The following TXNRD2 variants were observed in gnomAD, a reference collection of about 807,000 sequenced individuals.
TXNRD2 encodes thioredoxin reductase 2, mitochondrial.
Under a neutral mutation model 70.8 loss-of-function variants are expected in TXNRD2, and 67 were observed. That is an observed-to-expected ratio of 0.95 (90% confidence interval 0.78 to 1.16). TXNRD2 has a LOEUF of 1.16. Among genes scored for constraint, TXNRD2 ranks in the 50% most tolerant of loss-of-function variants. TXNRD2 has a pLI of 0.00. For missense variants in TXNRD2, 644 were observed against 719.9 expected (o/e 0.89, Z 1.21); for synonymous variants, 301 against 295.8 (o/e 1.02, Z -0.18).
At chr22:19,893,744 G>C (rs1939367884) in intron 11 of TXNRD2, among the ~76,000 whole-genome samples, 1 of 152,226 alleles carries the variant, frequency 6.6e-6, no homozygotes, top group Non-Finnish European at 1.5e-5. Context: ...GCCTGGCCGG[G>C]AAACGCCCAG....
At chr22:19,883,773 G>A in intron 11 of TXNRD2, 1 of 379,776 alleles carries the variant, frequency 2.6e-6, no homozygotes, top group Non-Finnish European at 5.0e-6. Flanking sequence ...GGCCAACATG[G>A]TGAAACCCCA....
chr22:19,909,874 T>TACA (rs1940303624), intron 8 of TXNRD2, among the ~76,000 whole-genome samples: 1 of 40,586 alleles, frequency 2.5e-5, no homozygotes, highest in Non-Finnish European at 5.2e-5. Context: ...CACACACCAC[T>TACA]CACACACACC....
At chr22:19,925,000 G>A (rs1461518269) in intron 2 of TXNRD2, among the ~76,000 whole-genome samples, 2 of 151,724 alleles carry the variant, frequency 1.3e-5, no homozygotes, top group African/African-American at 2.4e-5. Flanking sequence ...AAAAAAAGCG[G>A]GGGGCCAGGC....
chr22:19,932,371 G>A, intron 1 of TXNRD2: 1 of 1,612,644 alleles, frequency 6.2e-7, no homozygotes, highest in Non-Finnish European at 8.5e-7. Context: ...GTCCTCCATG[G>A]TGGCTCACTG....
intron 8 of TXNRD2, among the ~76,000 whole-genome samples, chr22:19,899,592 C>G (rs1293348091): frequency 6.6e-6 from 1 of 152,240 alleles, no homozygotes; most frequent in African/African-American, 2.4e-5. Flanking sequence ...TGAAGGACCC[C>G]AGGGACAAGG....
In TXNRD2 at chr22:19,877,095, G is replaced by C. The variant is rs2145924906; in HGVS notation, c.*10C>G. 6.3e-7 allele frequency: 1 copy of C among 1,592,712 alleles called. No homozygotes were observed. Among genetic ancestry groups the C allele is most frequent in the East Asian group, 2.3e-5 (1 of 44,222 alleles). ...GGCGCACCGTGTGCCCTGGCCTGCA[G>C]GGATGGCGCTTACCCTCAGCAGCCT... On this transcript the variant is annotated 3_prime_UTR_variant, in exon 17 of 18. Transcript: ENST00000400521.
At chr22:19,893,957 G>A (rs370863221) in intron 11 of TXNRD2, 4 of 152,216 alleles carry the variant, frequency 2.6e-5, no homozygotes, top group African/African-American at 9.7e-5. Context: ...CAGGCGGCTT[G>A]TGCACACCCA....
chr22:19,902,247 T>C (rs1393430635), intron 8 of TXNRD2, among the ~76,000 whole-genome samples: 2 of 152,250 alleles, frequency 1.3e-5, no homozygotes, highest in Non-Finnish European at 1.5e-5. Flanking sequence ...CTCAGCTCTC[T>C]GTGCTTTTTG....
At chr22:19,877,443 C>A (rs1938560905) in intron 16 of TXNRD2, among the ~76,000 whole-genome samples, 1 of 152,016 alleles carries the variant, frequency 6.6e-6, no homozygotes, top group South Asian at 2.1e-4. Context: ...AGCCCACCTC[C>A]CACCCAGCCA....
At chr22:19,887,347 T>A (rs1939076326) in intron 11 of TXNRD2, 1 of 152,324 alleles carries the variant, frequency 6.6e-6, no homozygotes, top group African/African-American at 2.4e-5. Flanking sequence ...CTTGTGCACA[T>A]GAAGCAGGAG....
At chr22:19,889,739 G>T (rs183139376) in intron 11 of TXNRD2, among the ~76,000 whole-genome samples, 2 of 152,272 alleles carry the variant, frequency 1.3e-5, no homozygotes, top group East Asian at 3.9e-4. Flanking sequence ...GCATTCCAAA[G>T]TGTTGGGATT....
intron 1 of TXNRD2, among the ~76,000 whole-genome samples, chr22:19,937,077 C>A (rs1348954834): frequency 6.6e-6 from 1 of 152,184 alleles, no homozygotes; most frequent in East Asian, 1.9e-4. Context: ...CATTTTGCTT[C>A]CTATAGACTG....
intron 12 of TXNRD2, 112 bp downstream of exon 12, chr22:19,883,213 A>G (rs550293297): frequency 7.1e-7 from 1 of 1,404,382 alleles, no homozygotes; most frequent in Non-Finnish European, 9.7e-7. Context: ...AGCCTCTGTC[A>G]TCAGAGAAAG....
At chr22:19,933,351 G>A (rs934733845) in intron 1 of TXNRD2, 14 of 930,618 alleles carry the variant, frequency 1.5e-5, no homozygotes, top group Admixed American at 7.0e-5. Flanking sequence ...CAGGTCCCCC[G>A]GGGAGCATGA....
intron 8 of TXNRD2, among the ~76,000 whole-genome samples, chr22:19,907,165 A>G (rs1313933642): frequency 1.2e-5 from 1 of 86,546 alleles, no homozygotes; most frequent in Admixed American, 1.6e-4. Context: ...CGCTCTCAGG[A>G]GAGTGTGGGC....
At chr22:19,886,767 G>A (rs1464551264) in intron 11 of TXNRD2, among the ~76,000 whole-genome samples, 4 of 152,354 alleles carry the variant, frequency 2.6e-5, no homozygotes, top group Middle Eastern at 3.4e-3. Flanking sequence ...CTCCGTCCTC[G>A]AAGCCTTGGC....
At chr22:19,927,493 C>CA (rs1041447368) in intron 2 of TXNRD2, among the ~76,000 whole-genome samples, 3 of 145,450 alleles carry the variant, frequency 2.1e-5, no homozygotes, top group South Asian at 2.2e-4. Flanking sequence ...CCTTCTCCAC[C>CA]AAAAAAATAC....
intron 2 of TXNRD2, among the ~76,000 whole-genome samples, chr22:19,928,203 C>A (rs1941224600): frequency 6.6e-6 from 1 of 151,986 alleles, no homozygotes; most frequent in South Asian, 2.1e-4. Context: ...ACCACACGAT[C>A]CAGTTGGTCC....
chr22:19,878,714 C>G (rs182162111), intron 14 of TXNRD2, among the ~76,000 whole-genome samples: 2 of 152,356 alleles, frequency 1.3e-5, no homozygotes, highest in Admixed American at 6.5e-5. Flanking sequence ...AGCAGCAGAG[C>G]AGGCATCAGG....
Sources: gnomAD v4.1 joint callset for allele counts (sites outside exome capture counted in the v4.1 genomes callset) on GRCh38, gnomAD v4.1.1 for gene constraint, MANE v1.5 for transcripts, NCBI Gene and HGNC (gene_info 2026-07-23, HGNC 2026-07-21) for gene names.